Variants in CADM2 observed in about 807,000 individuals in gnomAD.
The protein encoded by CADM2 is cell adhesion molecule 2.
CADM2 carries 12 observed loss-of-function variants against 49.8 expected under a neutral mutation model. The observed-to-expected ratio is 0.24, with a 90% confidence interval of 0.15 to 0.39. CADM2 has a LOEUF of 0.39. Ranked by LOEUF, CADM2 falls within the 10% of genes least tolerant of loss-of-function variation. The pLI is 1.00. For synonymous variants in CADM2, 214 were observed against 175.4 expected (o/e 1.22, Z -1.74); for missense variants, 378 against 492.3 (o/e 0.77, Z 2.20).
At chr3:85,639,505 G>A (rs1433425899) in intron 1 of CADM2, among the ~76,000 whole-genome samples, 2 of 152,106 alleles carry the variant, frequency 1.3e-5, no homozygotes, top group Non-Finnish European at 2.9e-5. Context: ...CAGTCAACTC[G>A]TAGAATGCTC....
intron 1 of CADM2, among the ~76,000 whole-genome samples, chr3:85,126,068 A>T (rs1195497049): frequency 6.6e-6 from 1 of 152,212 alleles, no homozygotes; most frequent in African/African-American, 2.4e-5. Flanking sequence ...ATAATTAAAC[A>T]TAAATAAAAA....
chr3:85,520,091 A>G (rs1288012171), intron 1 of CADM2, among the ~76,000 whole-genome samples: 1 of 152,050 alleles, frequency 6.6e-6, no homozygotes, highest in Non-Finnish European at 1.5e-5. Flanking sequence ...TTTTAATTTC[A>G]TATGCATAAT....
At chr3:85,247,648 G>C in intron 1 of CADM2, among the ~76,000 whole-genome samples, 1 of 152,180 alleles carries the variant, frequency 6.6e-6, no homozygotes, top group Middle Eastern at 3.4e-3. Flanking sequence ...TAGGAGCTGC[G>C]AATTGACTTG....
intron 1 of CADM2, among the ~76,000 whole-genome samples, chr3:85,248,503 T>C (rs2042701558): frequency 6.6e-6 from 1 of 152,220 alleles, no homozygotes; most frequent in Non-Finnish European, 1.5e-5. Context: ...CTTGAACTCC[T>C]GAGATCAGGC....
chr3:85,082,644 C>A (rs181704122), intron 1 of CADM2, among the ~76,000 whole-genome samples: 1 of 152,196 alleles, frequency 6.6e-6, no homozygotes, highest in Non-Finnish European at 1.5e-5. Context: ...TGCTTGAATA[C>A]ATAACAATGA....
intron 8 of CADM2, among the ~76,000 whole-genome samples, chr3:86,017,150 A>AT (rs1233769109): frequency 1.1e-4 from 13 of 118,448 alleles, no homozygotes; most frequent in African/African-American, 5.4e-4. Context: ...GTGTGTATAT[A>AT]TATGTGTGTG....
intron 7 of CADM2, among the ~76,000 whole-genome samples, chr3:85,945,082 A>G (rs1722485337): frequency 6.6e-6 from 1 of 152,158 alleles, no homozygotes; most frequent in Non-Finnish European, 1.5e-5. Flanking sequence ...GCAATAAAAA[A>G]TGATAAAGGG....
intron 3 of CADM2, among the ~76,000 whole-genome samples, chr3:85,815,789 A>G (rs1209034070): frequency 2.0e-5 from 3 of 152,142 alleles, no homozygotes; most frequent in Non-Finnish European, 2.9e-5. Flanking sequence ...TCAGTTAGGA[A>G]AAGAGGGAGT....
intron 1 of CADM2, among the ~76,000 whole-genome samples, chr3:85,174,202 C>T (rs1298356064): frequency 6.6e-6 from 1 of 152,114 alleles, no homozygotes; most frequent in African/African-American, 2.4e-5. Flanking sequence ...TTGGCTCTTT[C>T]CTTTCCTGAG....
At chr3:86,018,747 G>A (rs1291878240) in intron 8 of CADM2, among the ~76,000 whole-genome samples, 1 of 152,072 alleles carries the variant, frequency 6.6e-6, no homozygotes, top group Admixed American at 6.6e-5. Flanking sequence ...TTGTAAATTT[G>A]TTTGAGTTCA....
At chr3:85,217,329 TAA>T (rs1392657770) in intron 1 of CADM2, among the ~76,000 whole-genome samples, 17 of 151,868 alleles carry the variant, frequency 1.1e-4, no homozygotes, top group African/African-American at 3.6e-4. Context: ...GGATTGAAAT[TAA>T]GTTAGAAAAA....
intron 1 of CADM2, among the ~76,000 whole-genome samples, chr3:85,168,362 C>T (rs182597689): frequency 5.9e-4 from 90 of 152,144 alleles, no homozygotes; most frequent in African/African-American, 2.0e-3. Flanking sequence ...GCCCCTTAAC[C>T]GTAAACTTTA....
chr3:85,903,357 C>G (rs1266312564), intron 5 of CADM2, among the ~76,000 whole-genome samples: 2 of 151,582 alleles, frequency 1.3e-5, no homozygotes, highest in African/African-American at 4.8e-5. Context: ...CCCAACTTTC[C>G]TTAACATTTC....
At chr3:85,600,741 T>C (rs1039276912) in intron 1 of CADM2, among the ~76,000 whole-genome samples, 1 of 151,728 alleles carries the variant, frequency 6.6e-6, no homozygotes, top group Admixed American at 6.6e-5. Context: ...TCAGTATGAA[T>C]TGTTTTAAAA....
chr3:85,946,190 A>C (rs1001599512), intron 7 of CADM2, among the ~76,000 whole-genome samples: 1 of 151,756 alleles, frequency 6.6e-6, no homozygotes, highest in African/African-American at 2.4e-5. Context: ...TTGCTTCAAA[A>C]AGAATAAAAT....
chr3:85,159,411 G>C (rs547230127), intron 1 of CADM2, among the ~76,000 whole-genome samples: 3 of 150,948 alleles, frequency 2.0e-5, no homozygotes, highest in Non-Finnish European at 4.4e-5. Flanking sequence ...AGGAAATTAG[G>C]GTTGTAGACT....
At chr3:85,276,607 G>A (rs751630570) in intron 1 of CADM2, among the ~76,000 whole-genome samples, 1 of 150,996 alleles carries the variant, frequency 6.6e-6, no homozygotes, top group Non-Finnish European at 1.5e-5. Flanking sequence ...TAAAAATCAC[G>A]ATACTATTAG....
rs529489834 is a variant in CADM2 at position 85,139,542 on chromosome 3, T to A, written c.61+179874T>A. ...TTGATAGTATTTTATTGATTTATTT[T>A]GCCTTTAATACTATGTGTTTTTCTT... On this transcript the variant is annotated intron_variant, in intron 1 of 9. Transcript: ENST00000383699. 1.2e-4 allele frequency among the ~76,000 whole-genome samples: 19 copies of A among 152,308 alleles called. 1 individual carries two copies. Among genetic ancestry groups the A allele is most frequent in the Admixed American group, 4.6e-4 (7 of 15,280 alleles).
chr3:85,767,568 T>G (rs1162746426), intron 2 of CADM2, among the ~76,000 whole-genome samples: 1 of 152,212 alleles, frequency 6.6e-6, no homozygotes, highest in Non-Finnish European at 1.5e-5. Flanking sequence ...CGTGATCTTT[T>G]ATTCTATCAC....
Sources: allele counts gnomAD v4.1 joint callset (sites outside exome capture counted in the v4.1 genomes callset), GRCh38; gene constraint gnomAD v4.1.1; transcripts MANE v1.5; gene names NCBI Gene and HGNC (gene_info 2026-07-23, HGNC 2026-07-21).